NRG1: variants seen among roughly 807,000 people sequenced by gnomAD.
NRG1 encodes pro-neuregulin-1, membrane-bound isoform.
A neutral mutation model predicts 63.8 loss-of-function variants in NRG1; 18 were observed. That is an observed-to-expected ratio of 0.28 (90% CI 0.19 to 0.42). The LOEUF (loss-of-function observed/expected upper bound fraction) is 0.42, where lower values mean the gene tolerates loss of function less well. NRG1 is among the 10% of genes least tolerant of loss of function. NRG1 has a pLI of 1.00. For missense variants in NRG1, 762 were observed against 814.7 expected, an observed-to-expected ratio of 0.94 and a Z score of 0.79; for synonymous variants, 302 against 301.3, an observed-to-expected ratio of 1.00 and a Z score of -0.02.
chr8:31,675,101 G>C (rs938253266), intron 1 of NRG1, among the ~76,000 whole-genome samples: 13 of 152,210 alleles, frequency 8.5e-5, no homozygotes, highest in African/African-American at 2.9e-4. Flanking sequence ...CCAGCACTTT[G>C]GGAGGCCGAG....
intron 1 of NRG1, among the ~76,000 whole-genome samples, chr8:32,128,281 T>C (rs565521439): frequency 5.3e-5 from 8 of 151,934 alleles, no homozygotes; most frequent in Non-Finnish European, 8.8e-5. Flanking sequence ...CAGTGCATTA[T>C]CCTGGCTTTA....
chr8:32,285,515 G>T (rs571858662), intron 1 of NRG1, among the ~76,000 whole-genome samples: 2 of 152,148 alleles, frequency 1.3e-5, no homozygotes, highest in Admixed American at 1.3e-4. Flanking sequence ...GACCAAGTAC[G>T]GAAATACACT....
chr8:32,311,328 A>G (rs2129475955), intron 1 of NRG1, among the ~76,000 whole-genome samples: 1 of 152,306 alleles, frequency 6.6e-6, no homozygotes, highest in East Asian at 1.9e-4. Context: ...TAAGATGAAA[A>G]TATGTCAATG....
intron 1 of NRG1, among the ~76,000 whole-genome samples, chr8:32,388,010 G>T (rs1811235936): frequency 6.6e-6 from 1 of 152,194 alleles, no homozygotes; most frequent in Non-Finnish European, 1.5e-5. Flanking sequence ...ACTTTCGGAT[G>T]AGGATTCTAA....
At position 32,421,601 on chromosome 8, in the gene NRG1, C is replaced by G. The variant is rs576333719; in HGVS notation, c.38-174227C>G. On this transcript the variant is annotated intron_variant, in intron 1 of 10. Transcript: ENST00000519301. ...TAAGTTCAGTGTGATGATTAACAAG[C>G]TATTAGAGCCAAGTTATTGATTCCT... Among the ~76,000 whole-genome samples, 31 of 152,282 alleles carry G rather than the reference C, an allele frequency of 2.0e-4. No individual in the cohort carries two copies. In the Middle Eastern group the frequency reaches 0.01, roughly 50 times the overall value.
chr8:32,700,682 A>G (rs887647219), intron 5 of NRG1, among the ~76,000 whole-genome samples: 2 of 152,244 alleles, frequency 1.3e-5, no homozygotes, highest in Non-Finnish European at 2.9e-5. Flanking sequence ...GAAGGACTTG[A>G]TAAACTATTT....
At chr8:32,220,422 G>A (rs1845688796) in intron 1 of NRG1, among the ~76,000 whole-genome samples, 1 of 152,050 alleles carries the variant, frequency 6.6e-6, no homozygotes, top group African/African-American at 2.4e-5. Context: ...ATAAGGGACG[G>A]AGCGGAGCAG....
At chr8:32,769,636 C>G (rs922208918), downstream of NRG1, among the ~76,000 whole-genome samples, 4 of 152,192 alleles carry the variant, frequency 2.6e-5, no homozygotes, top group African/African-American at 9.7e-5. Context: ...CTCTTTGAAA[C>G]TGATTTACTA....
At chr8:32,000,730 C>T (rs1174800304) in intron 1 of NRG1, among the ~76,000 whole-genome samples, 1 of 151,986 alleles carries the variant, frequency 6.6e-6, no homozygotes, top group Non-Finnish European at 1.5e-5. Flanking sequence ...TAAACCAATA[C>T]ATCATTTATA....
At chr8:32,350,406 C>G (rs532966362) in intron 1 of NRG1, among the ~76,000 whole-genome samples, 1 of 152,250 alleles carries the variant, frequency 6.6e-6, no homozygotes, top group East Asian at 1.9e-4. Flanking sequence ...AAGAGCTCTC[C>G]CCTTCTCATC....
At chr8:32,635,900 A>T (rs1330739020) in intron 5 of NRG1, among the ~76,000 whole-genome samples, 1 of 152,196 alleles carries the variant, frequency 6.6e-6, no homozygotes, top group African/African-American at 2.4e-5. Flanking sequence ...AGAGAAGAAT[A>T]TGGGGGATCT....
intron 1 of NRG1, among the ~76,000 whole-genome samples, chr8:31,999,855 C>CA (rs775064385): frequency 6.6e-6 from 1 of 151,400 alleles, no homozygotes; most frequent in Non-Finnish European, 1.5e-5. Flanking sequence ...GCTATGGGAA[C>CA]AAAAAAATGT....
At chr8:32,455,939 G>A (rs995413084) in intron 1 of NRG1, among the ~76,000 whole-genome samples, 2 of 152,056 alleles carry the variant, frequency 1.3e-5, no homozygotes, top group Non-Finnish European at 2.9e-5. Context: ...ACACCACCAC[G>A]CCCAGCTAAT....
intron 5 of NRG1, among the ~76,000 whole-genome samples, chr8:32,710,303 A>G (rs55826668): frequency 0.093 from 14,166 of 152,188 alleles, 690 homozygotes; most frequent in African/African-American, 0.11. Flanking sequence ...TCTTATAGAA[A>G]TACTTTTTTT....
intron 1 of NRG1, among the ~76,000 whole-genome samples, chr8:32,188,303 G>C (rs1052183896): frequency 2.6e-5 from 4 of 152,178 alleles, no homozygotes; most frequent in African/African-American, 9.7e-5. Context: ...CTGACCTCAA[G>C]TGATCCACCT....
intron 1 of NRG1, among the ~76,000 whole-genome samples, chr8:31,762,256 T>C (rs1405407114): frequency 7.2e-5 from 11 of 152,246 alleles, no homozygotes; most frequent in Non-Finnish European, 1.6e-4. Flanking sequence ...CCATGTATTC[T>C]CATTGTTCAA....
At chr8:32,697,148 G>C (rs1813578001) in intron 5 of NRG1, among the ~76,000 whole-genome samples, 1 of 152,198 alleles carries the variant, frequency 6.6e-6, no homozygotes, top group Non-Finnish European at 1.5e-5. Flanking sequence ...CAGAGAAGTG[G>C]ATTGAGAAAG....
chr8:32,683,472 G>T (rs1292545578), intron 5 of NRG1, among the ~76,000 whole-genome samples: 3 of 152,166 alleles, frequency 2.0e-5, no homozygotes, highest in Non-Finnish European at 4.4e-5. Flanking sequence ...TCACCAAACA[G>T]AGTGCACTTT....
chr8:31,744,784 T>C (rs1368559517), intron 1 of NRG1, among the ~76,000 whole-genome samples: 1 of 152,004 alleles, frequency 6.6e-6, no homozygotes, highest in African/African-American at 2.4e-5. Context: ...GTAGTAATAA[T>C]TTTTGGTATT....
Sources: gnomAD v4.1 joint callset for allele counts (sites outside exome capture counted in the v4.1 genomes callset) on GRCh38, gnomAD v4.1.1 for gene constraint, MANE v1.5 for transcripts, NCBI Gene and HGNC (gene_info 2026-07-23, HGNC 2026-07-21) for gene names.